The following FLNB variants were observed in gnomAD, a reference collection of about 807,000 sequenced individuals.
The protein encoded by FLNB is filamin-B.
A neutral mutation model predicts 250.6 loss-of-function variants in FLNB; 111 were observed. The ratio of observed to expected loss-of-function variants is 0.44; its 90% CI spans 0.38 to 0.52. The LOEUF (loss-of-function observed/expected upper bound fraction) is 0.52, where lower values mean the gene tolerates loss of function less well. Ranked by LOEUF, FLNB falls within the 20% of genes least tolerant of loss-of-function variation. FLNB has a pLI of 0.00. For missense variants in FLNB, 2,869 were observed against 3,447.8 expected (o/e 0.83, Z 4.20); for synonymous variants, 1,302 against 1,372.1 (o/e 0.95, Z 1.13).
chr3:58,086,847 G>A lies in FLNB; in HGVS notation c.787+5071G>A, dbSNP rs745386028. ...AAATTCATGATAGCTGGGCATGGTG[G>A]CTCACGCCTGTAATCCCAGTACTTT... On this transcript the variant is annotated intron_variant, in intron 4 of 45. Coordinates refer to ENST00000295956, the MANE Select transcript of FLNB (RefSeq NM_001457.4). Among the ~76,000 whole-genome samples the A allele has an allele frequency of 8.7e-4, 133 of 152,244 alleles. 2 individuals are homozygous for A. The highest frequency in any genetic ancestry group is 3.3e-4 in the Admixed American group (5 of 15,290).
At chr3:58,166,184 C>T (rs921308559) in intron 43 of FLNB, 1 of 152,300 alleles carries the variant, frequency 6.6e-6, no homozygotes, top group Admixed American at 6.5e-5. Flanking sequence ...AGGTAACAGC[C>T]AAGTAGTAGC....
chr3:58,046,551 G>A (rs2106822641), intron 1 of FLNB, among the ~76,000 whole-genome samples: 1 of 151,432 alleles, frequency 6.6e-6, no homozygotes, highest in South Asian at 2.1e-4. Flanking sequence ...CCAGGTTCAA[G>A]CGATTCTCCT....
chr3:58,108,140 A>G (rs969541075), intron 12 of FLNB, among the ~76,000 whole-genome samples: 3 of 152,230 alleles, frequency 2.0e-5, no homozygotes, highest in Admixed American at 6.5e-5. Context: ...AAAAAATTGC[A>G]AAAAATTTTA....
At chr3:58,059,811 C>T (rs1249968) in intron 1 of FLNB, among the ~76,000 whole-genome samples, 29,242 of 151,930 alleles carry the variant, frequency 0.19, 3,540 homozygotes, top group East Asian at 0.53. Context: ...AGCATTTTCC[C>T]CCTACTTGGT....
At chr3:58,092,327 G>A (rs9883669) in intron 4 of FLNB, among the ~76,000 whole-genome samples, 66,478 of 151,942 alleles carry the variant, frequency 0.44, 16,172 homozygotes, top group East Asian at 0.92. Context: ...TAGCTACTTT[G>A]GAACACTGTT....
chr3:58,100,162 T>A (rs941982573), intron 8 of FLNB, among the ~76,000 whole-genome samples: 5 of 151,910 alleles, frequency 3.3e-5, no homozygotes, highest in African/African-American at 1.2e-4. Context: ...TCTAACATAT[T>A]CCTAAGCAAA....
At chr3:58,082,774 CAA>C (rs11325453) in intron 4 of FLNB, among the ~76,000 whole-genome samples, 17 of 142,248 alleles carry the variant, frequency 1.2e-4, no homozygotes, top group East Asian at 4.0e-4. Context: ...GCCTCCGTCT[CAA>C]AAAAAAAAAA....
chr3:58,107,524 C>G (rs1303379027), intron 12 of FLNB, among the ~76,000 whole-genome samples: 1 of 152,232 alleles, frequency 6.6e-6, no homozygotes, highest in East Asian at 1.9e-4. Flanking sequence ...CTGGCCCATG[C>G]AGGGAGCTCC....
chr3:58,016,270 G>T (rs2097105604), intron 1 of FLNB, among the ~76,000 whole-genome samples: 1 of 151,882 alleles, frequency 6.6e-6, no homozygotes, highest in South Asian at 2.1e-4. Flanking sequence ...GGTCAGGCTG[G>T]CCTCGAACTC....
chr3:58,080,575 A>ACCTC (rs890728856), intron 3 of FLNB, among the ~76,000 whole-genome samples: 2 of 150,002 alleles, frequency 1.3e-5, no homozygotes, highest in African/African-American at 5.0e-5. Context: ...GCTCACTGCA[A>ACCTC]CCTCCGCCTC....
chr3:58,045,320 A>G (rs1022994108), intron 1 of FLNB, among the ~76,000 whole-genome samples: 5 of 152,178 alleles, frequency 3.3e-5, no homozygotes, highest in Non-Finnish European at 7.3e-5. Context: ...ACTGAGTTGC[A>G]ATGCTGAGTA....
At chr3:58,050,534 T>C (rs2097160750) in intron 1 of FLNB, among the ~76,000 whole-genome samples, 1 of 152,188 alleles carries the variant, frequency 6.6e-6, no homozygotes, top group Non-Finnish European at 1.5e-5. Flanking sequence ...GGTTCAGATT[T>C]CTCTGGGCCT....
intron 41 of FLNB, 96 bp from the exon 42 acceptor site, chr3:58,159,458 A>G (rs2097358090): frequency 2.1e-5 from 27 of 1,256,100 alleles, no homozygotes; most frequent in South Asian, 1.4e-4. Flanking sequence ...ACCTATTTGC[A>G]TGAGAACTGT....
At position 58,154,876 on chromosome 3, in the gene FLNB, C is replaced by T. The variant is rs777080172; in HGVS notation, c.6720C>T (p.Phe2240=). The T allele has an allele frequency of 5.6e-6, 9 of 1,613,818 alleles. No homozygotes were observed. The highest frequency in any genetic ancestry group is 2.2e-5 in the East Asian group (1 of 44,892). Residue 2240 remains phenylalanine (F), a synonymous_variant, in exon 40 of 46, where the codon TTC becomes TTT. Coordinates refer to ENST00000295956, the MANE Select transcript of FLNB (RefSeq NM_001457.4). The stretch of plus-strand genomic sequence containing the variant: ...GCCCCAGTAAGGCCGAGATTACATT[C>T]GATGACCATAAAAATGGGTCGTGCG... ...VEGPSKAEIT[F]DDHKNGSCGV...
At chr3:58,141,707 C>T (rs2097327422) in intron 29 of FLNB, 151 bp from the exon 30 acceptor site, 1 of 763,542 alleles carries the variant, frequency 1.3e-6, no homozygotes, top group African/African-American at 1.7e-5. Context: ...AACTGCCTTC[C>T]AAAAGGGCAG....
At chr3:58,115,008 G>C (rs74854867) in intron 18 of FLNB, among the ~76,000 whole-genome samples, 4,171 of 152,016 alleles carry the variant, frequency 0.027, 193 homozygotes, top group African/African-American at 0.095. Context: ...GCCTTTTCAC[G>C]CCGTTAACAG....
chr3:58,014,135 T>A (rs1227552872), intron 1 of FLNB, among the ~76,000 whole-genome samples: 2 of 152,254 alleles, frequency 1.3e-5, no homozygotes, highest in African/African-American at 4.8e-5. Context: ...GTTAATTAAA[T>A]AAGGCACTGT....
intron 43 of FLNB, among the ~76,000 whole-genome samples, 176 bp from the exon 44 acceptor site, chr3:58,168,264 C>T (rs971768239): frequency 6.6e-6 from 1 of 152,200 alleles, no homozygotes; most frequent in African/African-American, 2.4e-5. Context: ...GAGCCCCCAC[C>T]CCGCAGGGCC....
chr3:58,066,560 A>G (rs1327428911), intron 1 of FLNB, among the ~76,000 whole-genome samples: 1 of 152,172 alleles, frequency 6.6e-6, no homozygotes, highest in African/African-American at 2.4e-5. Context: ...AGAGGTTGGA[A>G]TCCTCGTTTT....
Sources: allele counts gnomAD v4.1 joint callset (sites outside exome capture counted in the v4.1 genomes callset), GRCh38; gene constraint gnomAD v4.1.1; transcripts MANE v1.5; gene names NCBI Gene and HGNC (gene_info 2026-07-23, HGNC 2026-07-21).